Variants in APBA2 observed in about 807,000 individuals in gnomAD.
APBA2 encodes the protein amyloid beta precursor protein binding family A member 2.
A neutral mutation model predicts 75.0 loss-of-function variants in APBA2; 30 were observed. The ratio of observed to expected loss-of-function variants is 0.40; its 90% CI spans 0.30 to 0.54. The LOEUF (loss-of-function observed/expected upper bound fraction) is 0.54. Among genes scored for constraint, APBA2 ranks in the 20% least tolerant of loss-of-function variants. The pLI, the probability that APBA2 is intolerant of heterozygous loss-of-function variation, is 0.49. For missense variants in APBA2, 801 were observed against 1,016.1 expected (o/e 0.79, Z 2.88); for synonymous variants, 444 against 409.6 (o/e 1.08, Z -1.01).
chr15:28,928,929 C>G (rs889316924), intron 2 of APBA2, among the ~76,000 whole-genome samples: 4 of 152,164 alleles, frequency 2.6e-5, no homozygotes, highest in African/African-American at 4.8e-5. Flanking sequence ...TGGTATGGCC[C>G]TGGAGGCTCT....
intron 14 of APBA2, among the ~76,000 whole-genome samples, chr15:29,114,511 G>A (rs993557834): frequency 8.5e-5 from 13 of 152,158 alleles, no homozygotes; most frequent in African/African-American, 2.4e-4. Flanking sequence ...ATCATTGGGA[G>A]GGGGGATGGT....
At chr15:28,959,082 G>C (rs2036327083) in intron 2 of APBA2, among the ~76,000 whole-genome samples, 1 of 152,112 alleles carries the variant, frequency 6.6e-6, no homozygotes, top group South Asian at 2.1e-4. Flanking sequence ...TCCACCTCCT[G>C]GGTTAAAGCT....
intron 3 of APBA2, among the ~76,000 whole-genome samples, chr15:29,017,401 T>TC (rs2039722013): frequency 1.6e-5 from 2 of 121,498 alleles, no homozygotes; most frequent in South Asian, 2.6e-4. Context: ...TTCTTTCTTT[T>TC]TTTTTTTTTT....
At chr15:28,949,385 G>T (rs940189140) in intron 2 of APBA2, among the ~76,000 whole-genome samples, 95 of 152,264 alleles carry the variant, frequency 6.2e-4, no homozygotes, top group African/African-American at 2.2e-3. Context: ...TTTCCAGGGT[G>T]CATGGATGGA....
At chr15:28,969,135 T>TCTTTCTTTCTTTCTTTCTTTCTTG in intron 2 of APBA2, among the ~76,000 whole-genome samples, 2 of 61,322 alleles carry the variant, frequency 3.3e-5, no homozygotes, top group African/African-American at 1.2e-3. Context: ...TCTTTTTCTT[T>TCTTTCTTTCTTTCTTTCTTTCTTG]CTTTCTTTCT....
At chr15:28,967,326 T>C (rs1397011744) in intron 2 of APBA2, among the ~76,000 whole-genome samples, 1 of 152,214 alleles carries the variant, frequency 6.6e-6, no homozygotes, top group Non-Finnish European at 1.5e-5. Flanking sequence ...TTTTTGCATG[T>C]GATAGAGGGG....
chr15:29,018,688 A>T (rs996968857), intron 3 of APBA2, among the ~76,000 whole-genome samples: 4 of 152,160 alleles, frequency 2.6e-5, no homozygotes, highest in Admixed American at 1.3e-4. Flanking sequence ...GGCTCTCATG[A>T]AGCCAACTGT....
intron 13 of APBA2, 36 bp downstream of exon 13, chr15:29,108,425 A>C (rs2044550649): frequency 6.2e-7 from 1 of 1,613,368 alleles, no homozygotes; most frequent in Non-Finnish European, 8.5e-7. Flanking sequence ...CACCACCACC[A>C]CTGCAGGGCC....
chr15:29,054,406 C>T lies in APBA2; in HGVS notation c.522C>T (p.Val174=). ...CCATTCCGGAGGATGAGCCCTCCGT[C>T]CTTGAGGCCCATGACCAGGAAGAAG... ...QLPIPEDEPS[V]LEAHDQEEDG... Residue 174 remains valine, a synonymous_variant, in exon 4 of 15, where the codon GTC becomes GTT. Transcript: ENST00000683413. The surrounding 1 kb of genome is among the most constrained non-coding windows in gnomAD (Gnocchi z 6.1). 6.2e-7 allele frequency: 1 copy of T among 1,614,132 alleles called. No homozygotes were observed. Among genetic ancestry groups the T allele is most frequent in the Non-Finnish European group, 8.5e-7 (1 of 1,180,038 alleles).
chr15:29,057,790 C>T (rs564434633), intron 4 of APBA2, among the ~76,000 whole-genome samples: 1 of 152,314 alleles, frequency 6.6e-6, no homozygotes, highest in South Asian at 2.1e-4. Flanking sequence ...TGTAAGGCTG[C>T]CACAGACATC....
chr15:28,903,212 C>A (rs2032958853), intron 1 of APBA2, among the ~76,000 whole-genome samples: 1 of 152,172 alleles, frequency 6.6e-6, no homozygotes, highest in Admixed American at 6.5e-5. Context: ...GATACTTGAT[C>A]CCCTGATCAG....
chr15:29,106,894 C>G lies in APBA2; in HGVS notation c.1917+75C>G, dbSNP rs2044442615. On this transcript the variant is annotated intron_variant, in intron 12 of 14. Coordinates refer to ENST00000683413, the MANE Select transcript of APBA2 (RefSeq NM_001353788.2). ...CTTCATCCCCACTTTGCTGCAATCC[C>G]CACTTCACTGCAATCCCCACTTCAC... 2.2e-6 allele frequency: 3 copies of G among 1,393,950 alleles called. No individual in the cohort carries two copies. In the South Asian group the frequency reaches 3.6e-5, roughly 17 times the overall value. The allele number at this position is 1,393,950 out of a possible 1,614,324, so 86.3% of individuals were successfully genotyped here.
chr15:29,026,953 A>G (rs1190167117), intron 3 of APBA2, among the ~76,000 whole-genome samples: 5 of 152,104 alleles, frequency 3.3e-5, no homozygotes, highest in Non-Finnish European at 5.9e-5. Flanking sequence ...CCAAATCCTT[A>G]TTTCTCTTCA....
At position 29,048,354 on chromosome 15, in the gene APBA2, A is replaced by C. The variant is rs139334319; in HGVS notation, c.-40-5491A>C. 3.3e-5 allele frequency among the ~76,000 whole-genome samples: 5 copies of C among 152,286 alleles called. No homozygotes were observed. The East Asian group carries it at 9.6e-4, about 29-fold the overall frequency. ...CAGAGCGAGACCTTGTCTCAAAAGA[A>C]AAAAAAATTCCCTAAAGTAATTTAT... On this transcript the variant is annotated intron_variant, in intron 3 of 14. Coordinates refer to ENST00000683413, the MANE Select transcript of APBA2 (RefSeq NM_001353788.2).
chr15:28,965,695 T>C (rs565779197), intron 2 of APBA2, among the ~76,000 whole-genome samples: 6 of 152,338 alleles, frequency 3.9e-5, no homozygotes, highest in South Asian at 2.1e-4. Context: ...TTGTTAGATA[T>C]ATTCATAAGT....
intron 2 of APBA2, among the ~76,000 whole-genome samples, chr15:28,962,592 A>G (rs2036538109): frequency 6.6e-6 from 1 of 151,246 alleles, no homozygotes; most frequent in Non-Finnish European, 1.5e-5. Context: ...AGTAATAATA[A>G]TAATAAAGAC....
intron 2 of APBA2, among the ~76,000 whole-genome samples, chr15:28,949,984 T>G (rs2035765219): frequency 6.6e-6 from 1 of 152,160 alleles, no homozygotes; most frequent in Non-Finnish European, 1.5e-5. Context: ...TAGTTTTTGC[T>G]TAATGTTTTT....
intron 2 of APBA2, among the ~76,000 whole-genome samples, chr15:28,985,694 T>C (rs1300725233): frequency 6.6e-6 from 1 of 152,240 alleles, no homozygotes; most frequent in Non-Finnish European, 1.5e-5. Flanking sequence ...CAGCGGATCT[T>C]CGAGACTGGT....
In APBA2 at chr15:28,918,236, G is replaced by T. The variant is rs2033779035; in HGVS notation, c.-204-3404G>T. On this transcript the variant is annotated intron_variant, in intron 1 of 14. Coordinates refer to ENST00000683413, the MANE Select transcript of APBA2 (RefSeq NM_001353788.2). The surrounding 1 kb of genome is among the most constrained non-coding windows in gnomAD (Gnocchi z 4.2). ...GGTGCAGAAGCGTTCCTGGCGCCAC[G>T]GAGCCGGTCAGTGACAGAGCCGGGT... 6.6e-6 allele frequency among the ~76,000 whole-genome samples: 1 copy of T among 152,182 alleles called. No individual in the cohort carries two copies. Among genetic ancestry groups the T allele is most frequent in the Admixed American group, 6.5e-5 (1 of 15,284 alleles).
Sources: gnomAD v4.1 joint callset for allele counts (sites outside exome capture counted in the v4.1 genomes callset) on GRCh38, gnomAD v4.1.1 for gene constraint, Gnocchi (gnomAD v3.1) non-coding constraint, MANE v1.5 for transcripts, NCBI Gene and HGNC (gene_info 2026-07-23, HGNC 2026-07-21) for gene names.